BCAT1: variants seen among roughly 807,000 people sequenced by gnomAD.
The protein encoded by BCAT1 is branched chain amino acid transaminase 1.
BCAT1 carries 48 observed loss-of-function variants against 52.4 expected under a neutral mutation model. That is an observed-to-expected ratio of 0.92 (90% confidence interval 0.73 to 1.16). The LOEUF (loss-of-function observed/expected upper bound fraction) is 1.16. Among genes scored for constraint, BCAT1 ranks in the 50% most tolerant of loss-of-function variants. The probability of loss-of-function intolerance (pLI) is 0.00; values close to 1 mark genes in which losing one functional copy is unlikely to be tolerated. For missense variants in BCAT1, 451 were observed against 457.1 expected (o/e 0.99, Z 0.12); for synonymous variants, 167 against 161.3 (o/e 1.04, Z -0.27).
intron 7 of BCAT1, among the ~76,000 whole-genome samples, chr12:24,838,377 T>G (rs772306115): frequency 1.3e-5 from 2 of 152,154 alleles, no homozygotes; most frequent in Admixed American, 6.5e-5. Context: ...GGAGAAAATT[T>G]GTTCTTGGCA....
At chr12:24,948,430 G>A (rs1198896005) in intron 1 of BCAT1, among the ~76,000 whole-genome samples, 1 of 152,124 alleles carries the variant, frequency 6.6e-6, no homozygotes, top group East Asian at 1.9e-4. Context: ...AATAAGAGGG[G>A]CCTTCTGCTT....
rs1939948489 is a variant in BCAT1 at position 24,818,018 on chromosome 12, A to G, written c.1151T>C (p.Val384Ala). Residue 384 changes from valine (V) to alanine (A), a missense_variant, in exon 11 of 11, where the codon GTG becomes GCG. By Grantham distance (64) the Val-to-Ala change is moderately conservative. Transcript: ENST00000261192. ...TCCTCTATTTTCCATTCAGGATAGC[A>G]CAATTGTCCAGTCGCTCTCTTCTCT... The part of the protein sequence containing the change: ...YGREESDWTI[V>A]LS The G allele has an allele frequency of 6.2e-7, 1 of 1,612,956 alleles. No individual in the cohort carries two copies. The highest frequency in any genetic ancestry group is 8.5e-7 in the Non-Finnish European group (1 of 1,179,366).
intron 5 of BCAT1, among the ~76,000 whole-genome samples, chr12:24,876,920 AC>A (rs1425654036): frequency 6.6e-6 from 1 of 151,946 alleles, no homozygotes; most frequent in African/African-American, 2.4e-5. Flanking sequence ...CCTATATAAC[AC>A]ACCTACCTGC....
At chr12:24,924,103 C>T (rs1217574789) in intron 1 of BCAT1, among the ~76,000 whole-genome samples, 1 of 152,008 alleles carries the variant, frequency 6.6e-6, no homozygotes, top group Non-Finnish European at 1.5e-5. Flanking sequence ...CCTTTTTTTC[C>T]CCTCAGCTTT....
intron 3 of BCAT1, among the ~76,000 whole-genome samples, chr12:24,882,597 A>T (rs115614284): frequency 0.079 from 11,562 of 146,464 alleles, 504 homozygotes; most frequent in East Asian, 0.17. Flanking sequence ...TTTATTATTT[A>T]TTTTTTTTTT....
At chr12:24,930,481 C>T (rs1201508447) in intron 1 of BCAT1, among the ~76,000 whole-genome samples, 1 of 152,216 alleles carries the variant, frequency 6.6e-6, no homozygotes, top group East Asian at 1.9e-4. Flanking sequence ...ACCAGCCAGC[C>T]TTGACTGTCC....
chr12:24,922,772 A>G (rs975724593), intron 1 of BCAT1, among the ~76,000 whole-genome samples: 41 of 151,796 alleles, frequency 2.7e-4, no homozygotes, highest in African/African-American at 9.9e-4. Flanking sequence ...CGGGAGGCTG[A>G]GGCAGGAGAA....
At chr12:24,863,447 C>T (rs1021034014) in intron 5 of BCAT1, among the ~76,000 whole-genome samples, 6 of 152,084 alleles carry the variant, frequency 3.9e-5, no homozygotes, top group South Asian at 2.1e-4. Context: ...CAACACTCAA[C>T]GTTTGAAGAG....
At chr12:24,870,895 C>T (rs1052741026) in intron 5 of BCAT1, among the ~76,000 whole-genome samples, 7 of 152,088 alleles carry the variant, frequency 4.6e-5, no homozygotes, top group Admixed American at 6.5e-5. Context: ...TAGTGGTGCA[C>T]GCCTGTAGTC....
chr12:24,898,413 G>A lies in BCAT1; in HGVS notation c.78+3401C>T, dbSNP rs139093942. Among the ~76,000 whole-genome samples the A allele has an allele frequency of 3.9e-3, 583 of 149,562 alleles. 1 individual carries two copies. The highest frequency in any genetic ancestry group is 6.6e-3 in the Non-Finnish European group (448 of 67,584). On this transcript the variant is annotated intron_variant, in intron 2 of 10. Coordinates refer to ENST00000261192, the MANE Select transcript of BCAT1 (RefSeq NM_005504.7). Reference sequence around the variant, plus strand: ...ATTAAAAACAACTTCCTAATTCAAAGTTTGCAGTTGGGTAATCATTTGTTC... The same window carrying A: ...ATTAAAAACAACTTCCTAATTCAAAATTTGCAGTTGGGTAATCATTTGTTC...
intron 3 of BCAT1, among the ~76,000 whole-genome samples, chr12:24,893,668 T>G (rs188130457): frequency 5.9e-5 from 9 of 152,318 alleles, no homozygotes; most frequent in African/African-American, 2.2e-4. Context: ...CCTATTATTC[T>G]GGGAAAGATG....
chr12:24,856,613 C>A (rs1485132647), intron 5 of BCAT1, among the ~76,000 whole-genome samples: 1 of 150,480 alleles, frequency 6.6e-6, no homozygotes, highest in Non-Finnish European at 1.5e-5. Flanking sequence ...TGGCCATCTA[C>A]AAGCCAGGAG....
intron 3 of BCAT1, among the ~76,000 whole-genome samples, chr12:24,890,702 A>G (rs1030968264): frequency 6.6e-6 from 1 of 152,220 alleles, no homozygotes; most frequent in Admixed American, 6.5e-5. Flanking sequence ...CTTTTCTGGA[A>G]AATTTATGAA....
rs1369958857 is a variant in BCAT1, at chr12:24,836,907, AGAG to A, written c.818-314_818-312del. Among the ~76,000 whole-genome samples, 16 of 16,106 alleles carry A rather than the reference AGAG, an allele frequency of 9.9e-4. 1 individual carries two copies. The highest frequency in any genetic ancestry group is 3.5e-3 in the African/African-American group (15 of 4,276). The allele number at this position is 16,106 out of a possible 152,430, so 10.6% of individuals were successfully genotyped here. On this transcript the variant is annotated intron_variant, in intron 7 of 10. Transcript: ENST00000261192. The stretch of plus-strand genomic sequence containing the variant: ...AAAGAAAGAAAGAAAGAAAAGAAAG[AGAG>A]AAAGAAAGAAAGAAAGAAAGAAAGA...
At chr12:24,868,418 A>C (rs1942087755) in intron 5 of BCAT1, among the ~76,000 whole-genome samples, 1 of 152,232 alleles carries the variant, frequency 6.6e-6, no homozygotes, top group Non-Finnish European at 1.5e-5. Context: ...AATACAAACA[A>C]AATTGTTCAT....
intron 3 of BCAT1, among the ~76,000 whole-genome samples, chr12:24,891,627 G>T (rs1228523166): frequency 6.6e-6 from 1 of 151,984 alleles, no homozygotes; most frequent in Non-Finnish European, 1.5e-5. Context: ...AAAGATTTTG[G>T]TTTTTAACAA....
chr12:24,910,286 A>T (rs1943298389), intron 1 of BCAT1, among the ~76,000 whole-genome samples: 2 of 152,146 alleles, frequency 1.3e-5, no homozygotes, highest in South Asian at 4.2e-4. Context: ...CTGAGGCAGG[A>T]GGATCACTTG....
chr12:24,836,920 A>G (rs993543882), intron 7 of BCAT1, among the ~76,000 whole-genome samples: 3 of 76,970 alleles, frequency 3.9e-5, no homozygotes, highest in African/African-American at 1.2e-4. Flanking sequence ...GAAAGAAAGA[A>G]AGAAAGAAAG....
At chr12:24,888,907 T>C (rs373039607) in intron 3 of BCAT1, among the ~76,000 whole-genome samples, 1 of 152,212 alleles carries the variant, frequency 6.6e-6, no homozygotes, top group African/African-American at 2.4e-5. Context: ...CCATCTTCCC[T>C]TCTCTTTGTC....
Sources: gnomAD v4.1 joint callset for allele counts (sites outside exome capture counted in the v4.1 genomes callset) on GRCh38, gnomAD v4.1.1 for gene constraint, MANE v1.5 for transcripts, NCBI Gene and HGNC (gene_info 2026-07-23, HGNC 2026-07-21) for gene names.